Variants in BANK1 observed in about 807,000 individuals in gnomAD.
The protein encoded by BANK1 is B cell scaffold protein with ankyrin repeats 1.
A neutral mutation model predicts 94.5 loss-of-function variants in BANK1; 95 were observed. The ratio of observed to expected loss-of-function variants is 1.00; its 90% confidence interval spans 0.85 to 1.19. The LOEUF (loss-of-function observed/expected upper bound fraction) is 1.19. BANK1 is among the 50% of genes most tolerant of loss of function. The pLI, the probability that BANK1 is intolerant of heterozygous loss-of-function variation, is 0.00. For synonymous variants in BANK1, 334 were observed against 308.4 expected, an observed-to-expected ratio of 1.08 and a Z score of -0.87; for missense variants, 987 against 932.2, an observed-to-expected ratio of 1.06 and a Z score of -0.77.
intron 7 of BANK1, among the ~76,000 whole-genome samples, chr4:101,948,533 T>C (rs1167678950): frequency 6.6e-6 from 1 of 152,100 alleles, no homozygotes; most frequent in East Asian, 1.9e-4. Context: ...AAAGCAATAA[T>C]TTTAGGAAAC....
intron 7 of BANK1, among the ~76,000 whole-genome samples, chr4:101,968,466 T>G (rs563712644): frequency 6.6e-6 from 1 of 152,118 alleles, no homozygotes; most frequent in South Asian, 2.1e-4. Context: ...ATAGAAAAAT[T>G]CAAGTGTGAA....
chr4:101,922,784 T>C (rs954532116), intron 7 of BANK1, among the ~76,000 whole-genome samples: 31 of 151,874 alleles, frequency 2.0e-4, no homozygotes, highest in African/African-American at 7.5e-4. Context: ...CTAGAATAAG[T>C]CACATAATTG....
intron 7 of BANK1, among the ~76,000 whole-genome samples, chr4:101,944,579 C>A (rs1424675332): frequency 1.3e-5 from 2 of 151,770 alleles, no homozygotes; most frequent in Non-Finnish European, 2.9e-5. Context: ...TATTCAAGAA[C>A]TCTAGAGAAG....
intron 2 of BANK1, among the ~76,000 whole-genome samples, chr4:101,837,303 C>A (rs1469019): frequency 0.07 from 10,654 of 152,150 alleles, 609 homozygotes; most frequent in Admixed American, 0.19. Context: ...TTGTTAGCTG[C>A]CAACTTTAAG....
At chr4:101,857,846 T>G (rs969142902) in intron 3 of BANK1, among the ~76,000 whole-genome samples, 1 of 152,232 alleles carries the variant, frequency 6.6e-6, no homozygotes, top group Admixed American at 6.5e-5. Flanking sequence ...CTTCTTTTAC[T>G]TTCTATAAGA....
intron 7 of BANK1, among the ~76,000 whole-genome samples, chr4:101,974,808 T>A (rs1485615372): frequency 6.7e-6 from 1 of 150,364 alleles, no homozygotes; most frequent in Non-Finnish European, 1.5e-5. Context: ...AAAAAAAAAA[T>A]TAGCTGGGCA....
At chr4:102,005,044 T>C (rs1473451334) in intron 7 of BANK1, among the ~76,000 whole-genome samples, 2 of 152,084 alleles carry the variant, frequency 1.3e-5, no homozygotes, top group Non-Finnish European at 2.9e-5. Flanking sequence ...AGTCATGAAT[T>C]ACACAATGTT....
chr4:102,051,593 A>G (rs1728047797), intron 11 of BANK1, among the ~76,000 whole-genome samples: 2 of 152,216 alleles, frequency 1.3e-5, no homozygotes. Flanking sequence ...TTAAAAAATC[A>G]GTAGTCTACC....
intron 11 of BANK1, among the ~76,000 whole-genome samples, chr4:102,056,204 G>C (rs1467532886): frequency 6.6e-6 from 1 of 152,104 alleles, no homozygotes; most frequent in Non-Finnish European, 1.5e-5. Context: ...ACACATTCCA[G>C]GAAAGGAGAT....
At chr4:101,856,354 A>G (rs1415110531) in intron 3 of BANK1, among the ~76,000 whole-genome samples, 1 of 149,544 alleles carries the variant, frequency 6.7e-6, no homozygotes, top group Non-Finnish European at 1.5e-5. Flanking sequence ...ACAGATGATC[A>G]GGCAAAGAAA....
At chr4:101,952,962 C>A (rs943120641) in intron 7 of BANK1, among the ~76,000 whole-genome samples, 1 of 151,960 alleles carries the variant, frequency 6.6e-6, no homozygotes, top group African/African-American at 2.4e-5. Flanking sequence ...ATAACAAATA[C>A]CCTTGCAGTA....
intron 6 of BANK1, among the ~76,000 whole-genome samples, chr4:101,905,991 A>G (rs1398484218): frequency 6.6e-6 from 1 of 152,204 alleles, no homozygotes; most frequent in Non-Finnish European, 1.5e-5. Flanking sequence ...AAGCTGTTCT[A>G]TGGCATCATC....
At chr4:102,061,512 GT>G (rs1728417055) in intron 12 of BANK1, 2 of 152,200 alleles carry the variant, frequency 1.3e-5, no homozygotes, top group South Asian at 4.1e-4. Flanking sequence ...TCTCAATCAT[GT>G]CAATGTCATC....
At chr4:101,839,781 A>C (rs1186638473) in intron 2 of BANK1, among the ~76,000 whole-genome samples, 2 of 151,854 alleles carry the variant, frequency 1.3e-5, no homozygotes, top group Non-Finnish European at 2.9e-5. Flanking sequence ...ACAACTCTTG[A>C]ACTTCTTTTG....
At chr4:101,825,159 T>G (rs979955450) in intron 1 of BANK1, among the ~76,000 whole-genome samples, 1 of 152,156 alleles carries the variant, frequency 6.6e-6, no homozygotes, top group Non-Finnish European at 1.5e-5. Flanking sequence ...CCATCTTCAA[T>G]AGTAATGTCT....
At chr4:101,812,532 A>G (rs145050248) in intron 1 of BANK1, among the ~76,000 whole-genome samples, 72 of 152,088 alleles carry the variant, frequency 4.7e-4, no homozygotes, top group Non-Finnish European at 3.7e-4. Flanking sequence ...GTTTATTTTT[A>G]TATATTCTTG....
At chr4:101,986,600 A>G (rs1230799127) in intron 7 of BANK1, among the ~76,000 whole-genome samples, 2 of 151,382 alleles carry the variant, frequency 1.3e-5, no homozygotes, top group African/African-American at 4.9e-5. Context: ...GTAATTGGTA[A>G]TTATTATTAT....
At chr4:101,800,387 CT>C (rs2148850046) in intron 1 of BANK1, among the ~76,000 whole-genome samples, 1 of 151,490 alleles carries the variant, frequency 6.6e-6, no homozygotes, top group Non-Finnish European at 1.5e-5. Context: ...CTCCTCTTTC[CT>C]TTTTTCTTTT....
At chr4:101,800,353 C>T (rs962644563) in intron 1 of BANK1, among the ~76,000 whole-genome samples, 3 of 150,234 alleles carry the variant, frequency 2.0e-5, no homozygotes, top group African/African-American at 7.3e-5. Flanking sequence ...TTCTGGAGCT[C>T]CTCCTTCTCT....
Sources: allele counts gnomAD v4.1 joint callset (sites outside exome capture counted in the v4.1 genomes callset), GRCh38; gene constraint gnomAD v4.1.1; transcripts MANE v1.5; gene names NCBI Gene and HGNC (gene_info 2026-07-23, HGNC 2026-07-21).